DCDC1: variants seen among roughly 807,000 people sequenced by gnomAD.
DCDC1 encodes doublecortin domain-containing protein 1.
In DCDC1, 200 loss-of-function variants were observed where a neutral mutation model predicts 178.3. The observed-to-expected ratio is 1.12, with a 90% CI of 1.00 to 1.26. The LOEUF (loss-of-function observed/expected upper bound fraction) is 1.26, where lower values mean the gene tolerates loss of function less well. DCDC1 is among the 50% of genes most tolerant of loss of function. DCDC1 has a pLI of 0.00. For synonymous variants in DCDC1, 690 were observed against 604.8 expected, an observed-to-expected ratio of 1.14 and a Z score of -2.07; for missense variants, 1,983 against 1,749.2, an observed-to-expected ratio of 1.13 and a Z score of -2.38.
chr11:31,153,247 T>A (rs1565355421), intron 9 of DCDC1, among the ~76,000 whole-genome samples: 1 of 152,152 alleles, frequency 6.6e-6, no homozygotes, highest in Non-Finnish European at 1.5e-5. Context: ...ATCTGCCTCT[T>A]CTCCCATCCC....
intron 9 of DCDC1, among the ~76,000 whole-genome samples, chr11:31,193,703 G>C (rs1299423344): frequency 1.3e-5 from 2 of 152,096 alleles, no homozygotes; most frequent in Middle Eastern, 6.8e-3. Context: ...CTCCTACAGA[G>C]AGGACCATCA....
chr11:31,022,787 C>G (rs1222450954), intron 20 of DCDC1, among the ~76,000 whole-genome samples: 2 of 151,448 alleles, frequency 1.3e-5, no homozygotes, highest in Admixed American at 1.3e-4. Context: ...CCACCCCATA[C>G]ACATCACCTG....
intron 9 of DCDC1, among the ~76,000 whole-genome samples, chr11:31,150,799 C>T (rs1254156638): frequency 1.3e-5 from 2 of 151,868 alleles, no homozygotes; most frequent in African/African-American, 4.8e-5. Context: ...TCAAAAAAAC[C>T]CTAAAATTCA....
At position 30,931,648 on chromosome 11, in the gene DCDC1, G is replaced by A. The variant is rs145541928; in HGVS notation, c.2897+123C>T. The A allele has an allele frequency of 9.2e-4, 891 of 970,468 alleles. 3 individuals are homozygous for A. In the African/African-American group the frequency reaches 0.013, roughly 15 times the overall value. 60.1% of individuals were successfully genotyped at this position (970,468 alleles called of 1,614,324 possible). On this transcript the variant is annotated intron_variant, in intron 22 of 38. Transcript: ENST00000684477. ...AGTCTCTATTTTCATCTTCAAATAT[G>A]AATATGGGAGCCCTTTTGCTAAATA... is the stretch of plus-strand genomic sequence containing the variant.
At chr11:31,112,938 T>C (rs1197873965) in intron 11 of DCDC1, among the ~76,000 whole-genome samples, 3 of 152,178 alleles carry the variant, frequency 2.0e-5, no homozygotes, top group Non-Finnish European at 4.4e-5. Flanking sequence ...TCAATGTGTT[T>C]ACCCTGTGCT....
In DCDC1 at chr11:30,916,987, T is replaced by C. The variant is rs1945887156; in HGVS notation, c.3335A>G (p.His1112Arg). ...CTGCCAGGCATACCTGGGAAGTGTG[T>C]GACAAGCCTTCATTCGAAGATGAGC... ...VRAHLRMKACHTLPRYAWQET... is the reference protein window; with the variant it reads ...VRAHLRMKACRTLPRYAWQET... The change falls in exon 26 of 39, where the codon CAC becomes CGC. Residue 1112 changes from histidine (H) to arginine (R), a missense_variant. Transcript: ENST00000684477. 1 of 1,609,030 alleles carries C rather than the reference T, an allele frequency of 6.2e-7. No individual in the cohort carries two copies. The highest frequency in any genetic ancestry group is 1.3e-5 in the African/African-American group (1 of 75,010).
intron 8 of DCDC1, among the ~76,000 whole-genome samples, chr11:31,264,163 T>C (rs767379238): frequency 3.3e-5 from 5 of 152,178 alleles, no homozygotes; most frequent in Non-Finnish European, 7.3e-5. Flanking sequence ...GGAACTGTGC[T>C]TACTACTGGT....
At chr11:31,063,010 T>C (rs1474479673) in intron 20 of DCDC1, among the ~76,000 whole-genome samples, 2 of 139,024 alleles carry the variant, frequency 1.4e-5, no homozygotes, top group African/African-American at 5.4e-5. Flanking sequence ...TGTGTTCTCA[T>C]TGTTCCAACC....
intron 18 of DCDC1, among the ~76,000 whole-genome samples, chr11:31,066,205 C>T (rs977023619): frequency 5.3e-5 from 8 of 152,180 alleles, no homozygotes; most frequent in Non-Finnish European, 1.2e-4. Context: ...ACCATGGGCT[C>T]TAGCCTAGCT....
intron 22 of DCDC1, among the ~76,000 whole-genome samples, chr11:30,930,674 A>T (rs1413518274): frequency 1.3e-5 from 2 of 152,124 alleles, no homozygotes; most frequent in Admixed American, 1.3e-4. Context: ...TAAAACATTG[A>T]TGTGATAATA....
intron 9 of DCDC1, among the ~76,000 whole-genome samples, chr11:31,178,247 G>T (rs1003520165): frequency 6.6e-6 from 1 of 152,128 alleles, no homozygotes; most frequent in African/African-American, 2.4e-5. Flanking sequence ...TGCACCCACA[G>T]TCACGTGATT....
At chr11:31,083,822 G>C (rs370996063) in intron 17 of DCDC1, among the ~76,000 whole-genome samples, 1 of 152,150 alleles carries the variant, frequency 6.6e-6, no homozygotes, top group East Asian at 1.9e-4. Flanking sequence ...GCAAGTGTTT[G>C]ATGTTATGTT....
At chr11:31,153,844 T>G (rs1965447482) in intron 9 of DCDC1, among the ~76,000 whole-genome samples, 1 of 133,984 alleles carries the variant, frequency 7.5e-6, no homozygotes, top group Non-Finnish European at 1.6e-5. Flanking sequence ...TGCTGTATCA[T>G]TCACACAGTG....
At chr11:31,131,574 A>T (rs1962444918) in intron 10 of DCDC1, among the ~76,000 whole-genome samples, 1 of 152,180 alleles carries the variant, frequency 6.6e-6, no homozygotes, top group South Asian at 2.1e-4. Context: ...AACATCCTTG[A>T]AGCTAAAGAC....
chr11:31,181,097 G>T lies in DCDC1; in HGVS notation c.1222-43313C>A, dbSNP rs11031305. On this transcript the variant is annotated intron_variant, in intron 9 of 38. Transcript: ENST00000684477. ...CCCTCACATTGTAAACAAAGCCGCC[G>T]GTAAGTTAAAACTGGGCAGAGGCCA... 2.6e-5 allele frequency among the ~76,000 whole-genome samples: 4 copies of T among 152,056 alleles called. No individual in the cohort carries two copies. In the East Asian group the frequency reaches 7.8e-4, roughly 30 times the overall value.
In DCDC1 at chr11:31,148,988, A is replaced by C. The variant is rs565038055; in HGVS notation, c.1222-11204T>G. 9.2e-5 allele frequency among the ~76,000 whole-genome samples: 14 copies of C among 152,204 alleles called. No individual in the cohort carries two copies. The South Asian group carries it at 1.9e-3, about 20-fold the overall frequency. Reference sequence around the variant, plus strand: ...AGCTCCCACTTATAAATGAGAACATATGATATCTGGTTTTCCATTACTGAG... The same window carrying C: ...AGCTCCCACTTATAAATGAGAACATCTGATATCTGGTTTTCCATTACTGAG... On this transcript the variant is annotated intron_variant, in intron 9 of 38. Transcript: ENST00000684477.
At chr11:31,278,614 G>A (rs1946167533) in intron 7 of DCDC1, among the ~76,000 whole-genome samples, 1 of 152,016 alleles carries the variant, frequency 6.6e-6, no homozygotes, top group South Asian at 2.1e-4. Context: ...GGTGACTATA[G>A]TTAATAACAG....
At chr11:31,116,804 C>T (rs149706566) in intron 11 of DCDC1, among the ~76,000 whole-genome samples, 266 of 152,110 alleles carry the variant, frequency 1.7e-3, no homozygotes, top group Middle Eastern at 3.4e-3. Context: ...AATGAAAATG[C>T]ACTTAAGTGA....
At chr11:31,360,692 A>C (rs1028099102) in intron 1 of DCDC1, among the ~76,000 whole-genome samples, 1 of 152,208 alleles carries the variant, frequency 6.6e-6, no homozygotes, top group Non-Finnish European at 1.5e-5. Context: ...AACTACTGTA[A>C]CTGTGTTGAT....
Sources: gnomAD v4.1 joint callset for allele counts (sites outside exome capture counted in the v4.1 genomes callset) on GRCh38, gnomAD v4.1.1 for gene constraint, MANE v1.5 for transcripts, NCBI Gene and HGNC (gene_info 2026-07-23, HGNC 2026-07-21) for gene names.